Variants in ARPP21 observed in about 807,000 individuals in gnomAD.
The protein encoded by ARPP21 is cAMP-regulated phosphoprotein 21.
A neutral mutation model predicts 113.2 loss-of-function variants in ARPP21; 69 were observed. That is an observed-to-expected ratio of 0.61 (90% CI 0.50 to 0.74). The LOEUF (loss-of-function observed/expected upper bound fraction) is 0.74, where lower values mean the gene tolerates loss of function less well. Among genes scored for constraint, ARPP21 ranks in the 30% least tolerant of loss-of-function variants. The probability of loss-of-function intolerance (pLI) is 0.00; values close to 1 mark genes in which losing one functional copy is unlikely to be tolerated. For synonymous variants in ARPP21, 368 were observed against 375.5 expected (o/e 0.98, Z 0.23); for missense variants, 1,070 against 1,037.4 (o/e 1.03, Z -0.43).
At chr3:35,736,923 G>C (rs987472979) in intron 15 of ARPP21, among the ~76,000 whole-genome samples, 1 of 152,172 alleles carries the variant, frequency 6.6e-6, no homozygotes, top group Non-Finnish European at 1.5e-5. Context: ...GATACATTTA[G>C]CTTTGGCAAA....
intron 19 of ARPP21, among the ~76,000 whole-genome samples, chr3:35,761,496 T>C (rs1424694601): frequency 1.3e-5 from 2 of 152,038 alleles, no homozygotes; most frequent in Non-Finnish European, 2.9e-5. Flanking sequence ...ACCTCTGCCT[T>C]GTACCTTAGT....
At chr3:35,716,492 A>G (rs1450976324) in intron 12 of ARPP21, among the ~76,000 whole-genome samples, 1 of 152,090 alleles carries the variant, frequency 6.6e-6, no homozygotes, top group Non-Finnish European at 1.5e-5. Flanking sequence ...TAACCTCTTC[A>G]GAAGAAGAGA....
chr3:35,720,992 A>G (rs1235685672), intron 13 of ARPP21, among the ~76,000 whole-genome samples: 1 of 152,224 alleles, frequency 6.6e-6, no homozygotes, highest in Non-Finnish European at 1.5e-5. Flanking sequence ...TCCTCTGACC[A>G]TGAAGGTTAA....
intron 1 of ARPP21, among the ~76,000 whole-genome samples, chr3:35,664,114 T>C (rs1709068670): frequency 6.6e-6 from 1 of 152,224 alleles, no homozygotes; most frequent in Admixed American, 6.5e-5. Flanking sequence ...ATGTTTGAAA[T>C]CTTAATAGAA....
In ARPP21 at chr3:35,715,580, T is replaced by C. The variant is rs927797683; in HGVS notation, c.935+104T>C. 11 of 899,408 alleles carry C rather than the reference T, an allele frequency of 1.2e-5. No homozygotes were observed. In the Admixed American group the frequency reaches 1.9e-4, roughly 16 times the overall value. 55.7% of individuals were successfully genotyped at this position (899,408 alleles called of 1,614,324 possible). A position where few individuals can be genotyped will look rare whatever the true frequency, so the allele number is the denominator to read the frequency against. On this transcript the variant is annotated intron_variant, in intron 12 of 20. Coordinates refer to ENST00000684406, the MANE Select transcript of ARPP21 (RefSeq NM_001385562.1). ...TCCCATATATGTGTGTGCTTGAATA[T>C]ATGTATTAGCAGATACATATATCTA...
At chr3:35,744,723 A>G (rs1347591167) in intron 19 of ARPP21, among the ~76,000 whole-genome samples, 1 of 152,130 alleles carries the variant, frequency 6.6e-6, no homozygotes, top group Non-Finnish European at 1.5e-5. Context: ...TGCCTTCTGT[A>G]AGTAGGTCAT....
At chr3:35,724,446 T>A (rs2150360956) in intron 14 of ARPP21, among the ~76,000 whole-genome samples, 1 of 152,288 alleles carries the variant, frequency 6.6e-6, no homozygotes, top group African/African-American at 2.4e-5. Context: ...TTTCTGAACT[T>A]TAGCTCCATC....
rs918535048 is a variant in ARPP21, at chr3:35,738,323, T to A, written c.1749+5T>A. On this transcript the variant is annotated splice_donor_5th_base_variant and intron_variant, in intron 17 of 20. Transcript: ENST00000684406. ...CCAACGCAGCACTTTCCCATGGTAC[T>A]GTATTATGTGTATATGACTTTTTCC... 3 of 1,513,660 alleles carry A rather than the reference T, an allele frequency of 2.0e-6. No individual in the cohort carries two copies. Among genetic ancestry groups the A allele is most frequent in the African/African-American group, 2.8e-5 (2 of 72,608 alleles). The allele number at this position is 1,513,660 out of a possible 1,614,324, so 93.8% of individuals were successfully genotyped here.
intron 19 of ARPP21, among the ~76,000 whole-genome samples, chr3:35,783,499 C>G (rs538160534): frequency 1.5e-4 from 23 of 152,194 alleles, no homozygotes; most frequent in African/African-American, 4.1e-4. Flanking sequence ...ACATCTATCT[C>G]TCTCTCTGAT....
intron 19 of ARPP21, among the ~76,000 whole-genome samples, chr3:35,748,094 G>T (rs1344886334): frequency 8.2e-6 from 1 of 122,542 alleles, no homozygotes; most frequent in Non-Finnish European, 1.7e-5. Flanking sequence ...AAGAAAGAAA[G>T]AAAGAAAGAA....
Position 35,681,700 on chromosome 3 carries a change from T to A in ARPP21, c.-38-14T>A. The A allele has an allele frequency of 6.8e-7, 1 of 1,466,436 alleles. No homozygotes were observed. The highest frequency in any genetic ancestry group is 1.2e-5 in the South Asian group (1 of 84,706). 90.8% of individuals were successfully genotyped at this position (1,466,436 alleles called of 1,614,324 possible). The stretch of plus-strand genomic sequence containing the variant: ...CTTGCACTGACTTTATTTTCTGATA[T>A]CTTAACCTTCTAGGGCATAAAATCT... On this transcript the variant is annotated splice_polypyrimidine_tract_variant and intron_variant, in intron 2 of 20. Transcript: ENST00000684406.
At chr3:35,681,654 C>G in intron 2 of ARPP21, 60 bp from the exon 3 acceptor site, 1 of 844,216 alleles carries the variant, frequency 1.2e-6, no homozygotes, top group Non-Finnish European at 1.8e-6. Flanking sequence ...AATGAAATCT[C>G]TAAAGAATGA....
chr3:35,778,145 A>G (rs2096426768), intron 19 of ARPP21, among the ~76,000 whole-genome samples: 1 of 152,208 alleles, frequency 6.6e-6, no homozygotes, highest in African/African-American at 2.4e-5. Context: ...CTTTTAAAAA[A>G]TCTTCAGTTA....
At chr3:35,684,801 T>A (rs1222059639) in intron 5 of ARPP21, 2 of 981,104 alleles carry the variant, frequency 2.0e-6, no homozygotes, top group African/African-American at 3.5e-5. Flanking sequence ...TAAGAGAGTG[T>A]TTTTTTTTCT....
chr3:35,791,757 C>A (rs936107995), intron 19 of ARPP21, among the ~76,000 whole-genome samples: 1 of 152,016 alleles, frequency 6.6e-6, no homozygotes, highest in African/African-American at 2.4e-5. Flanking sequence ...CCAAAAAATT[C>A]TCTCAGAAGC....
chr3:35,690,974 G>A lies in ARPP21; in HGVS notation c.655G>A (p.Val219Ile), dbSNP rs2082078847. The change falls in exon 9 of 21, where the codon GTT becomes ATT. Residue 219 changes from valine (V) to isoleucine (I), a missense_variant. Coordinates refer to ENST00000684406, the MANE Select transcript of ARPP21 (RefSeq NM_001385562.1). ...CAATGTGGATCAAACAGGAAAATCT[G>A]TTATCATCAACAAGACCAGCAGCAC... Reference protein sequence around the residue: ...DHNVDQTGKSVIINKTSSTRI... With the variant: ...DHNVDQTGKSIIINKTSSTRI... The A allele has an allele frequency of 6.2e-7, 1 of 1,610,432 alleles. No homozygotes were observed. The highest frequency in any genetic ancestry group is 1.1e-5 in the South Asian group (1 of 90,852).
At chr3:35,770,727 T>C (rs1170832930) in intron 19 of ARPP21, among the ~76,000 whole-genome samples, 1 of 152,218 alleles carries the variant, frequency 6.6e-6, no homozygotes, top group Non-Finnish European at 1.5e-5. Context: ...ATGCTTAAAT[T>C]GTAAACAGTA....
At chr3:35,708,648 G>C (rs1000893322) in intron 10 of ARPP21, among the ~76,000 whole-genome samples, 31 of 152,204 alleles carry the variant, frequency 2.0e-4, no homozygotes, top group African/African-American at 7.5e-4. Context: ...GACAGACAGA[G>C]TCCATCAGTG....
At chr3:35,709,401 A>G (rs2090324968) in intron 11 of ARPP21, among the ~76,000 whole-genome samples, 1 of 152,194 alleles carries the variant, frequency 6.6e-6, no homozygotes, top group African/African-American at 2.4e-5. Context: ...CAGATTACCT[A>G]CCTAGTGTTG....
Sources: allele counts gnomAD v4.1 joint callset (sites outside exome capture counted in the v4.1 genomes callset), GRCh38; gene constraint gnomAD v4.1.1; transcripts MANE v1.5; gene names NCBI Gene and HGNC (gene_info 2026-07-23, HGNC 2026-07-21).